The following RBFOX1 variants were observed in gnomAD, a reference collection of about 807,000 sequenced individuals.
The protein encoded by RBFOX1 is RNA binding fox-1 homolog 1.
Under a neutral mutation model 57.7 loss-of-function variants are expected in RBFOX1, and 8 were observed. The observed-to-expected ratio is 0.14, with a 90% CI of 0.08 to 0.25. RBFOX1 has a LOEUF of 0.25. RBFOX1 is among the 10% of genes least tolerant of loss of function. The pLI, the probability that RBFOX1 is intolerant of heterozygous loss-of-function variation, is 1.00. For missense variants in RBFOX1, 611 were observed against 548.5 expected (o/e 1.11, Z -1.14); for synonymous variants, 326 against 222.4 (o/e 1.47, Z -4.15).
At chr16:7,697,679 C>G (rs1437065872) in intron 14 of RBFOX1, among the ~76,000 whole-genome samples, 1 of 152,160 alleles carries the variant, frequency 6.6e-6, no homozygotes, top group Non-Finnish European at 1.5e-5. Flanking sequence ...ACACTGGAGT[C>G]CATCTGATGC....
intron 2 of RBFOX1, among the ~76,000 whole-genome samples, chr16:6,435,039 G>A (rs1274222303): frequency 6.6e-6 from 1 of 152,128 alleles, no homozygotes; most frequent in Non-Finnish European, 1.5e-5. Context: ...CTAAGCTCCA[G>A]CCCACATTCC....
In RBFOX1 at chr16:6,892,111, CT is replaced by C. The variant is rs745736004; in HGVS notation, c.-15-159944del. On this transcript the variant is annotated intron_variant, in intron 3 of 15. Transcript: ENST00000550418. ...TAGTTTCCTTTACAGCACGTTGACTCTTACCCAAGTCCCCAAACCCCCTGGT... is the reference window on the plus strand; with the variant it reads ...TAGTTTCCTTTACAGCACGTTGACTCTACCCAAGTCCCCAAACCCCCTGGT... Among the ~76,000 whole-genome samples the C allele has an allele frequency of 6.6e-5, 10 of 152,266 alleles. 2 individuals are homozygous for C. Among genetic ancestry groups the C allele is most frequent in the East Asian group, 1.9e-4 (1 of 5,158 alleles).
chr16:5,351,342 C>T (rs1248725651), intron 1 of RBFOX1, among the ~76,000 whole-genome samples: 1 of 152,200 alleles, frequency 6.6e-6, no homozygotes, highest in African/African-American at 2.4e-5. Context: ...AAGGTAGATA[C>T]ATTCACTGTA....
intron 3 of RBFOX1, among the ~76,000 whole-genome samples, chr16:6,787,185 C>G (rs1274635351): frequency 6.6e-6 from 1 of 152,104 alleles, no homozygotes; most frequent in African/African-American, 2.4e-5. Context: ...GAGTGAAGGT[C>G]GTATGTGGCA....
chr16:7,541,913 G>A (rs1458867499), intron 5 of RBFOX1, among the ~76,000 whole-genome samples: 3 of 152,200 alleles, frequency 2.0e-5, no homozygotes, highest in Non-Finnish European at 4.4e-5. Context: ...AGAAGTCTTG[G>A]GTGAGCAGAT....
At chr16:5,822,289 G>C (rs1472478122) in intron 3 of RBFOX1, among the ~76,000 whole-genome samples, 1 of 152,170 alleles carries the variant, frequency 6.6e-6, no homozygotes, top group East Asian at 1.9e-4. Flanking sequence ...GGGGGGAATA[G>C]GGAGAGGGGC....
intron 4 of RBFOX1, among the ~76,000 whole-genome samples, chr16:7,369,422 A>C (rs1395666685): frequency 6.6e-6 from 1 of 152,162 alleles, no homozygotes; most frequent in African/African-American, 2.4e-5. Flanking sequence ...TCCTCTCACT[A>C]TTAATTCATC....
At chr16:6,032,228 T>C (rs181430279) in intron 1 of RBFOX1, among the ~76,000 whole-genome samples, 1 of 152,300 alleles carries the variant, frequency 6.6e-6, no homozygotes, top group Admixed American at 6.5e-5. Context: ...TGTATTTTCC[T>C]CGTTCTCGCC....
At chr16:5,807,363 C>T (rs964033983) in intron 3 of RBFOX1, among the ~76,000 whole-genome samples, 2 of 152,078 alleles carry the variant, frequency 1.3e-5, no homozygotes, top group Non-Finnish European at 2.9e-5. Context: ...CTTCAGGATG[C>T]CACAGGGCCA....
At chr16:7,371,263 C>T (rs1300214595) in intron 4 of RBFOX1, among the ~76,000 whole-genome samples, 2 of 152,302 alleles carry the variant, frequency 1.3e-5, no homozygotes, top group South Asian at 2.1e-4. Flanking sequence ...AAATGTGCCA[C>T]AGTCCTACCA....
At chr16:6,504,401 C>G (rs946121571) in intron 2 of RBFOX1, among the ~76,000 whole-genome samples, 2 of 152,190 alleles carry the variant, frequency 1.3e-5, no homozygotes, top group Non-Finnish European at 2.9e-5. Context: ...TTTTCTGATT[C>G]TGCTGGCACT....
intron 4 of RBFOX1, among the ~76,000 whole-genome samples, chr16:7,443,919 C>T (rs959880660): frequency 6.6e-6 from 1 of 152,182 alleles, no homozygotes; most frequent in East Asian, 1.9e-4. Context: ...TTCTGTATTC[C>T]TTTGTTGCCT....
At chr16:7,697,533 A>AC (rs2079171847) in intron 14 of RBFOX1, among the ~76,000 whole-genome samples, 1 of 152,152 alleles carries the variant, frequency 6.6e-6, no homozygotes, top group Non-Finnish European at 1.5e-5. Context: ...GTATATGTAT[A>AC]ATGCATGCAT....
chr16:5,716,059 A>G (rs1029339105), intron 3 of RBFOX1, among the ~76,000 whole-genome samples: 2 of 152,322 alleles, frequency 1.3e-5, no homozygotes, highest in African/African-American at 4.8e-5. Flanking sequence ...ATCACCATTG[A>G]TGATGTCTGG....
intron 11 of RBFOX1, among the ~76,000 whole-genome samples, chr16:7,647,443 A>G (rs922180621): frequency 2.6e-5 from 4 of 152,140 alleles, no homozygotes; most frequent in African/African-American, 9.7e-5. Flanking sequence ...CCCTCATGCC[A>G]AAAACTAAGG....
At chr16:7,436,593 G>A (rs1342222504) in intron 4 of RBFOX1, among the ~76,000 whole-genome samples, 2 of 152,218 alleles carry the variant, frequency 1.3e-5, no homozygotes, top group South Asian at 2.1e-4. Context: ...GCTCCATGAG[G>A]TTAAAGGATT....
At chr16:7,492,003 T>A (rs1269807649) in intron 4 of RBFOX1, among the ~76,000 whole-genome samples, 1 of 152,212 alleles carries the variant, frequency 6.6e-6, no homozygotes, top group Non-Finnish European at 1.5e-5. Context: ...AACACTCTAC[T>A]CAGCCTACTT....
At chr16:6,368,256 C>G (rs1478766157) in intron 2 of RBFOX1, among the ~76,000 whole-genome samples, 2 of 152,230 alleles carry the variant, frequency 1.3e-5, no homozygotes, top group African/African-American at 4.8e-5. Flanking sequence ...TCTCTTAATC[C>G]AGGCTTTCCA....
intron 2 of RBFOX1, among the ~76,000 whole-genome samples, chr16:5,569,673 A>C (rs770861501): frequency 6.6e-6 from 1 of 151,846 alleles, no homozygotes; most frequent in African/African-American, 2.4e-5. Flanking sequence ...CTCCAAAGCC[A>C]TTTCTCTTAA....
Sources: allele counts gnomAD v4.1 joint callset (sites outside exome capture counted in the v4.1 genomes callset), GRCh38; gene constraint gnomAD v4.1.1; transcripts MANE v1.5; gene names NCBI Gene and HGNC (gene_info 2026-07-23, HGNC 2026-07-21).